Variants in MPDZ observed in about 807,000 individuals in gnomAD.
The protein encoded by MPDZ is multiple PDZ domain crumbs cell polarity complex component, also known as multiple PDZ domain protein.
Under a neutral mutation model 239.1 loss-of-function variants are expected in MPDZ, and 234 were observed. The observed-to-expected ratio is 0.98, with a 90% CI of 0.88 to 1.09. The LOEUF (loss-of-function observed/expected upper bound fraction) is 1.09. Among genes scored for constraint, MPDZ ranks in the 50% least tolerant of loss-of-function variants. The probability of loss-of-function intolerance (pLI) is 0.00; values close to 1 mark genes in which losing one functional copy is unlikely to be tolerated. For synonymous variants in MPDZ, 1,048 were observed against 881.3 expected, an observed-to-expected ratio of 1.19 and a Z score of -3.35; for missense variants, 3,175 against 2,510.0, an observed-to-expected ratio of 1.26 and a Z score of -5.66.
At position 13,192,149 on chromosome 9, in the gene MPDZ, A is replaced by G. The variant is rs746680695; in HGVS notation, c.1950T>C (p.Asp650=). ...QSELDSLDLC[D]IELTEKPHVD... ...CTGATACCTTTTCTGTTAGCTCAAT[A>G]TCACATAAGTCCAGGCTATCCAATT... The change falls in exon 15 of 47, where the codon GAT becomes GAC. Residue 650 remains aspartate, a synonymous_variant. Transcript: ENST00000319217. The G allele has an allele frequency of 2.5e-6, 4 of 1,605,962 alleles. 1 individual carries two copies. Among genetic ancestry groups the G allele is most frequent in the Non-Finnish European group, 3.4e-6 (4 of 1,175,998 alleles).
rs150979447 is a variant in MPDZ at position 13,159,024 on chromosome 9, T to C, written c.3360-914A>G. 5.1e-4 allele frequency among the ~76,000 whole-genome samples: 77 copies of C among 152,304 alleles called. No homozygotes were observed. The East Asian group carries it at 0.013, about 26-fold the overall frequency. Reference sequence around the variant, plus strand: ...ACTCTGATTCAATAAATGTTTTCAGTTGATATTTACAGAAACTGAAGAATC... The same window carrying C: ...ACTCTGATTCAATAAATGTTTTCAGCTGATATTTACAGAAACTGAAGAATC... On this transcript the variant is annotated intron_variant, in intron 23 of 46. Transcript: ENST00000319217.
rs1471710905 is a variant in MPDZ at position 13,106,972 on chromosome 9, A to G, written c.6206T>C (p.Leu2069Pro). Reference sequence around the variant, plus strand: ...TCAATTCTGGCAGCCAATTCAAGAGAGAACCATCAAAGTGACAGTGCCTTT... The same window carrying G: ...TCAATTCTGGCAGCCAATTCAAGAGGGAACCATCAAAGTGACAGTGCCTTT... The part of the protein sequence containing the change: ...RTKGTVTLMV[L>P]S The change falls in exon 47 of 47, where the codon CTC (leucine) becomes CCC (proline). Residue 2069 changes from leucine (L) to proline (P), a missense_variant. By Grantham distance (98) the Leu-to-Pro change is moderately conservative (BLOSUM62 -3). Transcript: ENST00000319217. 2 of 1,613,558 alleles carry G rather than the reference A, an allele frequency of 1.2e-6. No homozygotes were observed. The highest frequency in any genetic ancestry group is 1.7e-6 in the Non-Finnish European group (2 of 1,179,566).
At chr9:13,119,099 A>G (rs1257432620) in intron 39 of MPDZ, among the ~76,000 whole-genome samples, 1 of 152,220 alleles carries the variant, frequency 6.6e-6, no homozygotes, top group Non-Finnish European at 1.5e-5. Flanking sequence ...TCATTTTAAA[A>G]GATTTGAGAT....
intron 19 of MPDZ, among the ~76,000 whole-genome samples, chr9:13,178,732 T>C (rs1363758377): frequency 6.6e-6 from 1 of 152,202 alleles, no homozygotes; most frequent in Non-Finnish European, 1.5e-5. Context: ...AGTCTGAATA[T>C]AAAGTCTTTG....
At chr9:13,275,170 A>C (rs950141450) in intron 1 of MPDZ, among the ~76,000 whole-genome samples, 1 of 152,204 alleles carries the variant, frequency 6.6e-6, no homozygotes, top group Non-Finnish European at 1.5e-5. Context: ...CTCTTTGAGA[A>C]CCTTGTTATG....
At chr9:13,140,258 T>A (rs1947450105) in intron 27 of MPDZ, 109 bp from the exon 28 acceptor site, 38 of 1,009,934 alleles carry the variant, frequency 3.8e-5, no homozygotes, top group South Asian at 9.5e-5. Context: ...TTAAAATATC[T>A]AACAAATAAT....
chr9:13,193,353 T>A (rs1164649117), intron 13 of MPDZ, 40 bp from the exon 14 acceptor site: 4 of 1,559,616 alleles, frequency 2.6e-6, no homozygotes, highest in Non-Finnish European at 3.5e-6. Context: ...ATTTTTATAT[T>A]CTTTTTATTT....
Position 13,221,477 on chromosome 9 carries a change from C to G in MPDZ, c.771G>C (p.Thr257=). The change falls in exon 7 of 47, where the codon ACG becomes ACC. Residue 257 remains threonine, a synonymous_variant. Coordinates refer to ENST00000319217, the MANE Select transcript of MPDZ (RefSeq NM_001378778.1). ...CAGATCCATCATTCACCAATTCAAT[C>G]GTTTCCATGTGTTGCCAGTGAACCT... is the stretch of plus-strand genomic sequence containing the variant. The part of the protein sequence containing the change: ...SNPVHWQHME[T]IELVNDGSGL... The G allele has an allele frequency of 6.2e-7, 1 of 1,610,558 alleles. No homozygotes were observed. Among genetic ancestry groups the G allele is most frequent in the Non-Finnish European group, 8.5e-7 (1 of 1,177,936 alleles).
chr9:13,109,784 CA>C (rs1942114519), intron 45 of MPDZ, among the ~76,000 whole-genome samples, 167 bp downstream of exon 45: 1 of 152,138 alleles, frequency 6.6e-6, no homozygotes, highest in Non-Finnish European at 1.5e-5. Flanking sequence ...AAATCCATGC[CA>C]CAATTATTTA....
At chr9:13,256,601 A>G (rs931559304) in intron 1 of MPDZ, among the ~76,000 whole-genome samples, 1 of 152,196 alleles carries the variant, frequency 6.6e-6, no homozygotes, top group African/African-American at 2.4e-5. Context: ...CAGAAGAGGG[A>G]AAAAGAATGC....
At position 13,139,981 on chromosome 9, in the gene MPDZ, A is replaced by G; in HGVS notation, c.4003+6T>C. ...CAATTAAATGCATCACAAAAACACA[A>G]CTTACTCCAGCTGTAACCAAACTCA... is the stretch of plus-strand genomic sequence containing the variant. On this transcript the variant is annotated splice_donor_region_variant and intron_variant, in intron 28 of 46. Coordinates refer to ENST00000319217, the MANE Select transcript of MPDZ (RefSeq NM_001378778.1). 1.2e-6 allele frequency: 2 copies of G among 1,612,972 alleles called. No homozygotes were observed. Among genetic ancestry groups the G allele is most frequent in the East Asian group, 2.2e-5 (1 of 44,800 alleles).
At chr9:13,257,321 A>G (rs1365170488) in intron 1 of MPDZ, among the ~76,000 whole-genome samples, 1 of 152,148 alleles carries the variant, frequency 6.6e-6, no homozygotes, top group Non-Finnish European at 1.5e-5. Context: ...CTGACACATT[A>G]TTCCAGATAA....
Position 13,111,960 on chromosome 9 carries a change from A to G in MPDZ, c.5724+64T>C, listed in dbSNP as rs910430866. The G allele has an allele frequency of 1.1e-5, 17 of 1,566,722 alleles. No individual in the cohort carries two copies. In the African/African-American group the frequency reaches 2.2e-4, roughly 20 times the overall value. On this transcript the variant is annotated intron_variant, in intron 43 of 46. Transcript: ENST00000319217. ...TGCCTTGCAACAGGTAGCCAGGTTC[A>G]AAGGTTTATAAAAACACTTCTGCAC...
At chr9:13,188,020 C>T (rs1402715020) in intron 17 of MPDZ, among the ~76,000 whole-genome samples, 1 of 152,158 alleles carries the variant, frequency 6.6e-6, no homozygotes, top group African/African-American at 2.4e-5. Flanking sequence ...AGTAACTAGA[C>T]AGCAAATGTG....
chr9:13,127,381 C>T (rs1945277792), intron 32 of MPDZ, among the ~76,000 whole-genome samples: 1 of 152,224 alleles, frequency 6.6e-6, no homozygotes, highest in Admixed American at 6.5e-5. Context: ...GGAGCTACAC[C>T]TACTTCGCTA....
At chr9:13,131,757 A>C (rs141989508) in intron 32 of MPDZ, among the ~76,000 whole-genome samples, 1 of 152,256 alleles carries the variant, frequency 6.6e-6, no homozygotes, top group African/African-American at 2.4e-5. Context: ...TGGCTTCTGT[A>C]CGTTAAGTCC....
chr9:13,187,835 C>T (rs1954344028), intron 17 of MPDZ, among the ~76,000 whole-genome samples: 1 of 152,142 alleles, frequency 6.6e-6, no homozygotes, highest in South Asian at 2.1e-4. Context: ...AACTGCAATA[C>T]AATGATAAGT....
At chr9:13,123,099 C>G (rs1563844982) in intron 36 of MPDZ, 54 bp downstream of exon 36, 1 of 1,520,596 alleles carries the variant, frequency 6.6e-7, no homozygotes, top group Non-Finnish European at 8.8e-7. Context: ...ATAATCGTCT[C>G]TGAGGCCTGG....
intron 13 of MPDZ, among the ~76,000 whole-genome samples, chr9:13,194,015 T>C (rs1587688640): frequency 6.6e-6 from 1 of 152,138 alleles, no homozygotes; most frequent in South Asian, 2.1e-4. Flanking sequence ...GACTTTGAAA[T>C]CTAATACTGG....
Sources: allele counts gnomAD v4.1 joint callset (sites outside exome capture counted in the v4.1 genomes callset), GRCh38; gene constraint gnomAD v4.1.1; transcripts MANE v1.5; gene names NCBI Gene and HGNC (gene_info 2026-07-23, HGNC 2026-07-21).